CXADR: variants seen among roughly 807,000 people sequenced by gnomAD.
The protein encoded by CXADR is coxsackievirus and adenovirus receptor.
A neutral mutation model predicts 40.3 loss-of-function variants in CXADR; 20 were observed. The observed-to-expected ratio is 0.50, with a 90% CI of 0.35 to 0.72. The LOEUF is 0.72. Ranked by LOEUF, CXADR falls within the 30% of genes least tolerant of loss-of-function variation. The pLI, the probability that CXADR is intolerant of heterozygous loss-of-function variation, is 0.01. For synonymous variants in CXADR, 150 were observed against 161.3 expected (o/e 0.93, Z 0.53); for missense variants, 332 against 449.1 (o/e 0.74, Z 2.36).
chr21:17,633,396 C>T, the CXADR span, among the ~76,000 whole-genome samples: 1 of 152,136 alleles, frequency 6.6e-6, no homozygotes, highest in African/African-American at 2.4e-5. Flanking sequence ...GAGACTCCAT[C>T]TCTACAAAAA....
chr21:17,632,971 T>C, the CXADR span, among the ~76,000 whole-genome samples: 1 of 152,196 alleles, frequency 6.6e-6, no homozygotes, highest in African/African-American at 2.4e-5. Context: ...AAGGTTTAGG[T>C]GGTCTTATTC....
At chr21:17,580,176 A>G (rs1318215853) in intron 7 of CXADR, among the ~76,000 whole-genome samples, 1 of 152,216 alleles carries the variant, frequency 6.6e-6, no homozygotes, top group Non-Finnish European at 1.5e-5. Context: ...ACAGCCGTTT[A>G]TTAAATTTAT....
chr21:17,611,241 G>A, the CXADR span, among the ~76,000 whole-genome samples: 1 of 152,108 alleles, frequency 6.6e-6, no homozygotes, highest in Non-Finnish European at 1.5e-5. Flanking sequence ...TTTGCTGATG[G>A]AACTACATTA....
intron 1 of CXADR, among the ~76,000 whole-genome samples, chr21:17,539,279 A>G (rs1172083030): frequency 1.3e-5 from 2 of 152,178 alleles, no homozygotes; most frequent in Non-Finnish European, 1.5e-5. Context: ...GGGTTGAATT[A>G]TAAAATTACC....
the CXADR span, among the ~76,000 whole-genome samples, chr21:17,621,038 T>C: frequency 1.1e-4 from 16 of 152,232 alleles, no homozygotes; most frequent in Admixed American, 2.6e-4. Flanking sequence ...TCTTAAAATG[T>C]TCAAATGATT....
At chr21:17,517,661 A>G (rs2060477548) in intron 1 of CXADR, among the ~76,000 whole-genome samples, 1 of 152,032 alleles carries the variant, frequency 6.6e-6, no homozygotes, top group Non-Finnish European at 1.5e-5. Context: ...ACCAAACTGT[A>G]AAATCGGGGA....
the CXADR span, chr21:17,626,930 T>C: frequency 6.6e-6 from 1 of 152,168 alleles, no homozygotes; most frequent in Non-Finnish European, 1.5e-5. Context: ...ATTGACACAA[T>C]TGCCCCATGT....
chr21:17,566,459 G>A lies in CXADR; in HGVS notation c.*767G>A. ...AGGTGCAATAGCAGGGATAGATTTT[G>A]TTGGTGAGTAGTCTCATGCCTTGAG... On this transcript the variant is annotated 3_prime_UTR_variant, in exon 7 of 7. Coordinates refer to ENST00000284878, the MANE Select transcript of CXADR (RefSeq NM_001338.5). 2 of 985,438 alleles carry A rather than the reference G, an allele frequency of 2.0e-6. No individual in the cohort carries two copies. The highest frequency in any genetic ancestry group is 2.4e-6 in the Non-Finnish European group (2 of 829,942). 61.0% of individuals were successfully genotyped at this position (985,438 alleles called of 1,614,324 possible). A position where few individuals can be genotyped will look rare whatever the true frequency, so the allele number is the denominator to read the frequency against.
chr21:17,602,158 C>CAA, the CXADR span, among the ~76,000 whole-genome samples: 10 of 140,084 alleles, frequency 7.1e-5, no homozygotes, highest in African/African-American at 2.6e-4. Context: ...CAGAAATCAC[C>CAA]AAAAAAAAAA....
the CXADR span, among the ~76,000 whole-genome samples, chr21:17,630,531 A>C: frequency 3.9e-5 from 6 of 152,114 alleles, no homozygotes; most frequent in South Asian, 2.1e-4. Context: ...AATATCCCTG[A>C]CTGTCTAAAA....
downstream of CXADR, among the ~76,000 whole-genome samples, chr21:17,572,107 A>T (rs2061281862): frequency 6.6e-6 from 1 of 152,022 alleles, no homozygotes; most frequent in African/African-American, 2.4e-5. Context: ...CACGCCTGTA[A>T]TCCCAGCACT....
chr21:17,624,621 G>A, the CXADR span, among the ~76,000 whole-genome samples: 1 of 152,278 alleles, frequency 6.6e-6, no homozygotes, highest in East Asian at 1.9e-4. Flanking sequence ...GACCCACCTG[G>A]ATAATCTAGG....
At chr21:17,573,830 C>G (rs1311907959), downstream of CXADR, among the ~76,000 whole-genome samples, 1 of 152,182 alleles carries the variant, frequency 6.6e-6, no homozygotes, top group Non-Finnish European at 1.5e-5. Context: ...TTGCTTGAAC[C>G]CAGGAGGCGG....
the CXADR span, among the ~76,000 whole-genome samples, chr21:17,630,598 G>T: frequency 7.2e-6 from 1 of 138,750 alleles, no homozygotes; most frequent in Non-Finnish European, 1.5e-5. Context: ...ATATTTAAAT[G>T]TTTTGACTCT....
intron 7 of CXADR, among the ~76,000 whole-genome samples, chr21:17,587,958 C>G (rs2061409444): frequency 1.3e-5 from 2 of 152,110 alleles, no homozygotes; most frequent in Non-Finnish European, 1.5e-5. Context: ...ATATGGCTAG[C>G]CAGTTTTCCC....
chr21:17,579,957 G>C (rs373562700), intron 7 of CXADR, among the ~76,000 whole-genome samples: 56 of 151,834 alleles, frequency 3.7e-4, no homozygotes, highest in African/African-American at 1.3e-3. Flanking sequence ...ACCTCAGGAA[G>C]ACATGAAGAG....
chr21:17,548,730 C>G (rs942617415), intron 2 of CXADR, among the ~76,000 whole-genome samples: 1 of 152,224 alleles, frequency 6.6e-6, no homozygotes, highest in Non-Finnish European at 1.5e-5. Flanking sequence ...TGCCCTGAGC[C>G]ATTAGCGTGT....
At position 17,559,144 on chromosome 21, in the gene CXADR, A is replaced by C. The variant is rs751497626; in HGVS notation, c.571+13A>C. ...TCATGGTTAGCAGGTACTGCTGATA[A>C]TAGTATTTGTACCACATGCCATTGA... On this transcript the variant is annotated intron_variant, in intron 4 of 6. Transcript: ENST00000284878. The C allele has an allele frequency of 6.8e-6, 11 of 1,613,614 alleles. No homozygotes were observed. In the Admixed American group the frequency reaches 1.8e-4, roughly 27 times the overall value.
chr21:17,598,976 CAG>C, the CXADR span: 1 of 574,542 alleles, frequency 1.7e-6, no homozygotes, highest in Non-Finnish European at 3.0e-6. Context: ...TATCCTAATA[CAG>C]CTCAATGCCA....
Sources: gnomAD v4.1 joint callset for allele counts (sites outside exome capture counted in the v4.1 genomes callset) on GRCh38, gnomAD v4.1.1 for gene constraint, MANE v1.5 for transcripts, NCBI Gene and HGNC (gene_info 2026-07-23, HGNC 2026-07-21) for gene names.